The following UNC13D variants were observed in gnomAD, a reference collection of about 807,000 sequenced individuals.
The protein encoded by UNC13D is unc-13 homolog D, also known as protein unc-13 homolog D.
Under a neutral mutation model 151.7 loss-of-function variants are expected in UNC13D, and 115 were observed. That is an observed-to-expected ratio of 0.76 (90% CI 0.65 to 0.88). The LOEUF (loss-of-function observed/expected upper bound fraction) is 0.88. Ranked by LOEUF, UNC13D falls within the 40% of genes least tolerant of loss-of-function variation. UNC13D has a pLI of 0.00. For synonymous variants in UNC13D, 588 were observed against 612.2 expected, an observed-to-expected ratio of 0.96 and a Z score of 0.58; for missense variants, 1,369 against 1,438.7, an observed-to-expected ratio of 0.95 and a Z score of 0.78.
intron 21 of UNC13D, 49 bp downstream of exon 21, chr17:75,834,871 G>C (rs374438031): frequency 5.1e-5 from 82 of 1,613,390 alleles, no homozygotes; most frequent in African/African-American, 2.7e-5. Flanking sequence ...GTGGGTGGTA[G>C]TGTGGCTGTT....
At chr17:75,843,869 G>A (rs890412018) in intron 1 of UNC13D, 27 of 1,370,080 alleles carry the variant, frequency 2.0e-5, no homozygotes, top group Admixed American at 3.1e-5. Flanking sequence ...GTGCCACGTC[G>A]GCCTGGGGGT....
chr17:75,834,260 G>A, intron 23 of UNC13D, 65 bp downstream of exon 23: 1 of 1,582,454 alleles, frequency 6.3e-7, no homozygotes. Flanking sequence ...TGGCCCAGGT[G>A]CTGCTGGAGC....
rs570111256 is a variant in UNC13D at position 75,842,026 on chromosome 17, C to T, written c.569+407G>A. The stretch of plus-strand genomic sequence containing the variant: ...CCTCCCAAAATGCTGGGATTATAGG[C>T]GTGAGCCACCACGCCCGGCCTTTTT... On this transcript the variant is annotated intron_variant, in intron 6 of 31. Coordinates refer to ENST00000207549, the MANE Select transcript of UNC13D (RefSeq NM_199242.3). Among the ~76,000 whole-genome samples, 141 of 152,170 alleles carry T rather than the reference C, an allele frequency of 9.3e-4. 1 individual carries two copies. In the Middle Eastern group the frequency reaches 0.024, roughly 26 times the overall value.
At position 75,843,478 on chromosome 17, in the gene UNC13D, T is replaced by A; in HGVS notation, c.153+6A>T. ...CCTCTCTGCACCCCAGCACTCTGAC[T>A]CTTACCTGCTCGGGGGAGAAGTGGT... On this transcript the variant is annotated splice_donor_region_variant and intron_variant, in intron 2 of 31. Transcript: ENST00000207549. 1 of 1,608,572 alleles carries A rather than the reference T, an allele frequency of 6.2e-7. No individual in the cohort carries two copies. Among genetic ancestry groups the A allele is most frequent in the Non-Finnish European group, 8.5e-7 (1 of 1,178,242 alleles).
intron 30 of UNC13D, 84 bp from the exon 31 acceptor site, chr17:75,829,067 G>C: frequency 6.6e-7 from 1 of 1,515,426 alleles, no homozygotes; most frequent in Admixed American, 1.9e-5. Flanking sequence ...TTGGTGTTGG[G>C]AACCAGCCAG....
rs777842031 is a variant in UNC13D at position 75,842,449 on chromosome 17, C to T, written c.553G>A (p.Asp185Asn). Residue 185 changes from aspartate (D) to asparagine (N), a missense_variant, in exon 6 of 32, where the codon GAC becomes AAC. Around this residue, in one of 3 missense-constraint regions of UNC13D, gnomAD observed 550 missense variants for 609.0 expected, o/e 0.90. Coordinates refer to ENST00000207549, the MANE Select transcript of UNC13D (RefSeq NM_199242.3). ...GCCACGTACAGGATGAAGGTCTCGT[C>T]CCAGACGGGGTTGAGTGTCTGGGTG... The part of the protein sequence containing the change: ...VITQTLNPVW[D>N]ETFILEFEDI... 7 of 1,612,610 alleles carry T rather than the reference C, an allele frequency of 4.3e-6. No homozygotes were observed. In the African/African-American group the frequency reaches 9.3e-5, roughly 22 times the overall value.
chr17:75,830,857 C>A (rs146767675), intron 27 of UNC13D, among the ~76,000 whole-genome samples, 196 bp from the exon 28 acceptor site: 4 of 152,184 alleles, frequency 2.6e-5, no homozygotes, highest in African/African-American at 9.7e-5. Context: ...GCTTCACAGG[C>A]GTGCTTCCCC....
chr17:75,840,387 G>A lies in UNC13D; in HGVS notation c.754-58C>T, dbSNP rs1424326174. ...CAGAACCTCATAGAGTCGGGGCAGC[G>A]GAGGCGACAGGAGGTGGACCCCAGG... On this transcript the variant is annotated intron_variant, in intron 9 of 31. Coordinates refer to ENST00000207549, the MANE Select transcript of UNC13D (RefSeq NM_199242.3). The surrounding 1 kb of genome is among the most constrained non-coding windows in gnomAD (Gnocchi z 4.6). 14 of 1,605,420 alleles carry A rather than the reference G, an allele frequency of 8.7e-6. No individual in the cohort carries two copies. Among genetic ancestry groups the A allele is most frequent in the South Asian group, 2.2e-5 (2 of 90,808 alleles).
At position 75,844,278 on chromosome 17, in the gene UNC13D, C is replaced by T; in HGVS notation, c.60G>A (p.Lys20=). The T allele has an allele frequency of 6.2e-7, 1 of 1,612,830 alleles. No individual in the cohort carries two copies. The highest frequency in any genetic ancestry group is 8.5e-7 in the Non-Finnish European group (1 of 1,179,956). Residue 20 remains lysine, a synonymous_variant, in exon 1 of 32, where the codon AAG becomes AAA. Transcript: ENST00000207549. Reference sequence around the variant, plus strand: ...GATCTCTGACTCTGCGGCGCCTTATCTTGATGGCCTGGCGCAAGAAGGGAG... The same window carrying T: ...GATCTCTGACTCTGCGGCGCCTTATTTTGATGGCCTGGCGCAAGAAGGGAG... The part of the protein sequence containing the change: ...QRPPFLRQAI[K]IRRRRVRDLQ...
Position 75,834,441 on chromosome 17 carries a change from C to T in UNC13D, c.2182G>A (p.Val728Ile). 6.4e-7 allele frequency: 1 copy of T among 1,566,070 alleles called. No homozygotes were observed. Among genetic ancestry groups the T allele is most frequent in the Non-Finnish European group, 8.6e-7 (1 of 1,160,326 alleles). ...QLAWEALEQR[V>I]GAVLEQGQLQ... Reference sequence around the variant, plus strand: ...TGCCCCTGCTCCAGCACGGCCCCTACCCGCTGCTCCAGGGCCTCCCATGCC... The same window carrying T: ...TGCCCCTGCTCCAGCACGGCCCCTATCCGCTGCTCCAGGGCCTCCCATGCC... Residue 728 changes from valine (V) to isoleucine (I), a missense_variant, in exon 23 of 32, where the codon GTA (valine) becomes ATA (isoleucine). Val to Ile is a conservative substitution (Grantham distance 29). Coordinates refer to ENST00000207549, the MANE Select transcript of UNC13D (RefSeq NM_199242.3).
At position 75,828,069 on chromosome 17, in the gene UNC13D, G is replaced by A. The variant is rs761490672; in HGVS notation, c.3169C>T (p.Leu1057=). The part of the protein sequence containing the change: ...PAPNGDPILQ[L]LEGRKGDREA... ...CGGTCACCCTTCCGGCCCTCCAGCA[G>A]CTGCAGGATTGGGTCCCCTGCGGAG... Residue 1057 remains leucine (L), a synonymous_variant, in exon 32 of 32, where the codon CTG becomes TTG. Coordinates refer to ENST00000207549, the MANE Select transcript of UNC13D (RefSeq NM_199242.3). The A allele has an allele frequency of 2.5e-6, 4 of 1,574,472 alleles. No individual in the cohort carries two copies. Among genetic ancestry groups the A allele is most frequent in the Non-Finnish European group, 3.4e-6 (4 of 1,160,166 alleles).
rs368236546 is a variant in UNC13D at position 75,843,080 on chromosome 17, G to A, written c.262-7C>T. 42 of 1,607,498 alleles carry A rather than the reference G, an allele frequency of 2.6e-5. No individual in the cohort carries two copies. The African/African-American group carries it at 5.2e-4, about 20-fold the overall frequency. ...CGGGCTCCACGTGGAAGGCCTGGTG[G>A]GGAGGCAGGCGGGTGGGTGGCTGGG... On this transcript the variant is annotated splice_region_variant and splice_polypyrimidine_tract_variant and intron_variant, in intron 3 of 31. Transcript: ENST00000207549.
Position 75,837,135 on chromosome 17 carries a change from G to A in UNC13D, c.1056-217C>T, listed in dbSNP as rs145811063. Reference sequence around the variant, plus strand: ...GGCTGGAGTGCAGTGGCGTGATCTCGGCTCACTGCAACCTGCGCCTCCTGG... The same window carrying A: ...GGCTGGAGTGCAGTGGCGTGATCTCAGCTCACTGCAACCTGCGCCTCCTGG... On this transcript the variant is annotated intron_variant, in intron 12 of 31. Coordinates refer to ENST00000207549, the MANE Select transcript of UNC13D (RefSeq NM_199242.3). Among the ~76,000 whole-genome samples, 199 of 151,530 alleles carry A rather than the reference G, an allele frequency of 1.3e-3. 5 individuals are homozygous for A. The East Asian group carries it at 0.036, about 28-fold the overall frequency.
rs913613570 is a variant in UNC13D at position 75,842,586 on chromosome 17, C to A, written c.416G>T (p.Gly139Val). 1.2e-6 allele frequency: 2 copies of A among 1,611,774 alleles called. No individual in the cohort carries two copies. Among genetic ancestry groups the A allele is most frequent in the South Asian group, 1.1e-5 (1 of 90,990 alleles). ...SGFSDPYCLL[G>V]IEQGVGVPGG... is the part of the protein sequence containing the mutation. The stretch of plus-strand genomic sequence containing the variant: ...TGGCACACCTACCCCCTGCTCAATG[C>A]CCAGCAGGCAGTAGGGGTCGCTGAA... The change falls in exon 6 of 32, where the codon GGC becomes GTC. Residue 139 changes from glycine (G) to valine (V), a missense_variant. By Grantham distance (109) the Gly-to-Val change is moderately radical. Coordinates refer to ENST00000207549, the MANE Select transcript of UNC13D (RefSeq NM_199242.3).
At position 75,833,186 on chromosome 17, in the gene UNC13D, T is replaced by G; in HGVS notation, c.2368-141A>C. 4 of 731,690 alleles carry G rather than the reference T, an allele frequency of 5.5e-6. No homozygotes were observed. The highest frequency in any genetic ancestry group is 4.6e-6 in the Non-Finnish European group (2 of 430,292). The allele number at this position is 731,690 out of a possible 1,614,324, so 45.3% of individuals were successfully genotyped here. A position where few individuals can be genotyped will look rare whatever the true frequency, so the allele number is the denominator to read the frequency against. ...TTGTAGTGTCTGTAAGAGGCCGGCC[T>G]GCCCACCTCTCTGCCTTCCCCTCTC... On this transcript the variant is annotated intron_variant, in intron 24 of 31. Coordinates refer to ENST00000207549, the MANE Select transcript of UNC13D (RefSeq NM_199242.3). The surrounding 1 kb of genome is among the most constrained non-coding windows in gnomAD (Gnocchi z 4.0).
At chr17:75,834,176 C>T (rs1222595528) in intron 23 of UNC13D, 33 bp from the exon 24 acceptor site, 2 of 1,612,594 alleles carry the variant, frequency 1.2e-6, no homozygotes. Context: ...GGAGGGAGGT[C>T]AGGGCATGAG....
chr17:75,832,943 C>A lies in UNC13D; in HGVS notation c.2447+23G>T. The A allele has an allele frequency of 9.6e-6, 15 of 1,564,838 alleles. No individual in the cohort carries two copies. The highest frequency in any genetic ancestry group is 1.7e-4 in the Middle Eastern group (1 of 5,982). On this transcript the variant is annotated intron_variant, in intron 25 of 31. Transcript: ENST00000207549. The surrounding 1 kb of genome is among the most constrained non-coding windows in gnomAD (Gnocchi z 4.3). The stretch of plus-strand genomic sequence containing the variant: ...GGAGAGGGGGAGGTGGCGAGCGCGC[C>A]CAGGGCAGGGGCTGCTACAGACCTG...
At position 75,836,195 on chromosome 17, in the gene UNC13D, C is replaced by A; in HGVS notation, c.1446+5G>T. ...CCCTGCCCTCCCCCTTGCCCAGCCC[C>A]TCACCTGCACCATGGGTTGATGGTG... On this transcript the variant is annotated splice_donor_5th_base_variant and intron_variant, in intron 16 of 31. Coordinates refer to ENST00000207549, the MANE Select transcript of UNC13D (RefSeq NM_199242.3). The A allele has an allele frequency of 6.2e-7, 1 of 1,610,606 alleles. No individual in the cohort carries two copies. Among genetic ancestry groups the A allele is most frequent in the Non-Finnish European group, 8.5e-7 (1 of 1,178,926 alleles).
At chr17:75,842,653 G>T (rs1446717109) in intron 5 of UNC13D, 40 bp from the exon 6 acceptor site, 4 of 1,608,710 alleles carry the variant, frequency 2.5e-6, no homozygotes, top group Non-Finnish European at 3.4e-6. Flanking sequence ...CAGGGAGTCG[G>T]CTGGGTCCCT....
Sources: gnomAD v4.1 joint callset for allele counts (sites outside exome capture counted in the v4.1 genomes callset) on GRCh38, gnomAD v4.1.1 for gene constraint, gnomAD v4.1.1 regional missense constraint, Gnocchi (gnomAD v3.1) non-coding constraint, MANE v1.5 for transcripts, NCBI Gene and HGNC (gene_info 2026-07-23, HGNC 2026-07-21) for gene names.